The following SF3B1 variants were observed in gnomAD, a reference collection of about 807,000 sequenced individuals.
The protein encoded by SF3B1 is splicing factor 3b subunit 1, also known as pre-mRNA processing 10.
A neutral mutation model predicts 153.8 loss-of-function variants in SF3B1; 12 were observed. That is an observed-to-expected ratio of 0.08 (90% CI 0.05 to 0.13). The LOEUF (loss-of-function observed/expected upper bound fraction) is 0.13, where lower values mean the gene tolerates loss of function less well. SF3B1 is among the 10% of genes least tolerant of loss of function. SF3B1 has a pLI of 1.00. For synonymous variants in SF3B1, 498 were observed against 525.2 expected, an observed-to-expected ratio of 0.95 and a Z score of 0.71; for missense variants, 513 against 1,606.1, an observed-to-expected ratio of 0.32 and a Z score of 11.63.
chr2:197,423,102 C>G (rs2085274438), intron 2 of SF3B1, among the ~76,000 whole-genome samples: 2 of 151,574 alleles, frequency 1.3e-5, no homozygotes, highest in African/African-American at 4.8e-5. Flanking sequence ...AAGAAAAATT[C>G]CAGGCTGGGC....
At position 197,405,005 on chromosome 2, in the gene SF3B1, C is replaced by T. The variant is rs1055644441; in HGVS notation, c.1539+71G>A. On this transcript the variant is annotated intron_variant, in intron 11 of 24. Transcript: ENST00000335508. ...GCAACATGGCAAAACCCTGTCTCTACAAAAACTACAAATTTTTTTTAATTA... is the reference window on the plus strand; with the variant it reads ...GCAACATGGCAAAACCCTGTCTCTATAAAAACTACAAATTTTTTTTAATTA... 5 of 1,124,692 alleles carry T rather than the reference C, an allele frequency of 4.4e-6. No homozygotes were observed. The African/African-American group carries it at 7.9e-5, about 18-fold the overall frequency. The allele number at this position is 1,124,692 out of a possible 1,614,324, so 69.7% of individuals were successfully genotyped here.
intron 1 of SF3B1, among the ~76,000 whole-genome samples, chr2:197,425,779 C>G (rs2085325818): frequency 6.6e-6 from 1 of 151,388 alleles, no homozygotes. Context: ...GTGGGCGGAT[C>G]ACTTGAGCCC....
At position 197,402,456 on chromosome 2, in the gene SF3B1, G is replaced by A. The variant is rs2084945649; in HGVS notation, c.2077+100C>T. 1 of 1,025,174 alleles carries A rather than the reference G, an allele frequency of 9.8e-7. No homozygotes were observed. The allele number at this position is 1,025,174 out of a possible 1,614,324, so 63.5% of individuals were successfully genotyped here. A position where few individuals can be genotyped will look rare whatever the true frequency, so the allele number is the denominator to read the frequency against. ...AACTACTAAGGAGGCTGAGCAGGAG[G>A]ATCACTTGAGCCCAAAGGTTTGAGT... On this transcript the variant is annotated intron_variant, in intron 14 of 24. Transcript: ENST00000335508. The surrounding 1 kb of genome is among the most constrained non-coding windows in gnomAD (Gnocchi z 4.6).
chr2:197,397,978 C>A lies in SF3B1; in HGVS notation c.3266+7G>T, dbSNP rs1559264279. On this transcript the variant is annotated splice_region_variant and intron_variant, in intron 22 of 24. Coordinates refer to ENST00000335508, the MANE Select transcript of SF3B1 (RefSeq NM_012433.4). ...ATTTTTTTTTAATGGAAGTAAATAA[C>A]ACTCACCCAATGGCCTTTGCAATAT... is the stretch of plus-strand genomic sequence containing the variant. 1 of 1,601,770 alleles carries A rather than the reference C, an allele frequency of 6.2e-7. No individual in the cohort carries two copies. Among genetic ancestry groups the A allele is most frequent in the Admixed American group, 1.7e-5 (1 of 57,692 alleles).
In SF3B1 at chr2:197,410,501, A is replaced by ATTT. The variant is rs573287348; in HGVS notation, c.667-497_667-495dup. ...AAACATGCTTTAGATCACCTATGTA[A>ATTT]TTTTTTTTTTTTTTTTTTTTTTGAG... On this transcript the variant is annotated intron_variant, in intron 6 of 24. Transcript: ENST00000335508. Among the ~76,000 whole-genome samples, 516 of 107,818 alleles carry ATTT rather than the reference A, an allele frequency of 4.8e-3. 5 individuals are homozygous for ATTT. Among genetic ancestry groups the ATTT allele is most frequent in the Middle Eastern group, 6.6e-3 (1 of 152 alleles). 70.7% of individuals were successfully genotyped at this position (107,818 alleles called of 152,430 possible).
At position 197,402,300 on chromosome 2, in the gene SF3B1, T is replaced by C. The variant is rs2084943663; in HGVS notation, c.2078-170A>G. The C allele has an allele frequency of 3.9e-6, 3 of 769,260 alleles. No individual in the cohort carries two copies. The highest frequency in any genetic ancestry group is 6.1e-6 in the Non-Finnish European group (3 of 489,046). The allele number at this position is 769,260 out of a possible 1,614,324, so 47.7% of individuals were successfully genotyped here. On this transcript the variant is annotated intron_variant, in intron 14 of 24. Transcript: ENST00000335508. The surrounding 1 kb of genome is among the most constrained non-coding windows in gnomAD (Gnocchi z 4.6). Reference sequence around the variant, plus strand: ...AACCATAGCCTGTCAGCAGATAATATAACAAACCCATCATAAAATCTATAG... The same window carrying C: ...AACCATAGCCTGTCAGCAGATAATACAACAAACCCATCATAAAATCTATAG...
intron 22 of SF3B1, among the ~76,000 whole-genome samples, 186 bp downstream of exon 22, chr2:197,397,796 CAAA>C (rs1419961106): frequency 3.3e-5 from 3 of 90,500 alleles, no homozygotes; most frequent in Admixed American, 1.2e-4. Context: ...GACTCCGTCT[CAAA>C]AAAAAAAAAA....
rs1282989430 is a variant in SF3B1 at position 197,401,432 on chromosome 2, T to G, written c.2464A>C (p.Arg822=). 1 of 1,611,476 alleles carries G rather than the reference T, an allele frequency of 6.2e-7. No homozygotes were observed. Among genetic ancestry groups the G allele is most frequent in the East Asian group, 2.2e-5 (1 of 44,794 alleles). ...TAATTTCTTCTATCCAAAGCCATCC[T>G]GTGCTGCCAGAAGTGTTTAAAAAAG... is the stretch of plus-strand genomic sequence containing the variant. ...PPFFKHFWQH[R]MALDRRNYRQ... Residue 822 remains arginine (R), a synonymous_variant, in exon 17 of 25, where the codon AGG becomes CGG. Coordinates refer to ENST00000335508, the MANE Select transcript of SF3B1 (RefSeq NM_012433.4). The surrounding 1 kb of genome is among the most constrained non-coding windows in gnomAD (Gnocchi z 4.2).
In SF3B1 at chr2:197,401,938, G is replaced by A. The variant is rs369358283; in HGVS notation, c.2223+47C>T. The A allele has an allele frequency of 4.4e-5, 70 of 1,595,152 alleles. 1 individual carries two copies. Among genetic ancestry groups the A allele is most frequent in the Admixed American group, 3.1e-4 (17 of 54,530 alleles). On this transcript the variant is annotated intron_variant, in intron 15 of 24. Coordinates refer to ENST00000335508, the MANE Select transcript of SF3B1 (RefSeq NM_012433.4). This position sits in a 1 kb window ranked among gnomAD's most constrained non-coding sequence, Gnocchi z 4.2. ...TACTTTAGTAATTTAGATTTATGTC[G>A]CCTTAACTTTAATGAAGATAAATCA...
intron 2 of SF3B1, among the ~76,000 whole-genome samples, chr2:197,422,984 T>C (rs1419367086): frequency 2.0e-5 from 3 of 152,118 alleles, no homozygotes; most frequent in Non-Finnish European, 2.9e-5. Flanking sequence ...AAATATAAGC[T>C]ACCTGGAATA....
rs2084946736 is a variant in SF3B1, at chr2:197,402,531, A to AT, written c.2077+24_2077+25insA. Reference sequence around the variant, plus strand: ...CCTGTCTCCTAAAGAAAAAAAAAAAAAGACAAAGTTACATTACAACTTACC... The same window carrying AT: ...CCTGTCTCCTAAAGAAAAAAAAAAAATAGACAAAGTTACATTACAACTTACC... On this transcript the variant is annotated intron_variant, in intron 14 of 24. Coordinates refer to ENST00000335508, the MANE Select transcript of SF3B1 (RefSeq NM_012433.4). This position sits in a 1 kb window ranked among gnomAD's most constrained non-coding sequence, Gnocchi z 4.6. 2.5e-6 allele frequency: 4 copies of AT among 1,595,256 alleles called. No individual in the cohort carries two copies. The African/African-American group carries it at 4.1e-5, about 16-fold the overall frequency.
chr2:197,412,970 C>CA (rs779446735), intron 6 of SF3B1, among the ~76,000 whole-genome samples: 4,178 of 44,994 alleles, frequency 0.093, 269 homozygotes, highest in African/African-American at 0.14. Context: ...ACTGTTGTCT[C>CA]AAAAAAAAAA....
At chr2:197,429,095 T>C (rs754777959) in intron 1 of SF3B1, among the ~76,000 whole-genome samples, 97 of 152,298 alleles carry the variant, frequency 6.4e-4, no homozygotes, top group Middle Eastern at 3.4e-3. Flanking sequence ...AATAATCTCT[T>C]CCAACTTCAA....
chr2:197,410,745 C>T (rs2085056084), intron 6 of SF3B1, among the ~76,000 whole-genome samples: 2 of 152,038 alleles, frequency 1.3e-5, no homozygotes, highest in South Asian at 4.1e-4. Flanking sequence ...ACCTCGTGAT[C>T]CACCCACCTT....
intron 21 of SF3B1, 115 bp from the exon 22 acceptor site, chr2:197,398,231 T>G (rs2084898106): frequency 2.1e-6 from 2 of 953,128 alleles, no homozygotes; most frequent in Non-Finnish European, 3.2e-6. Flanking sequence ...TAAATAAAAC[T>G]TACTACTCTT....
chr2:197,396,395 G>T, intron 22 of SF3B1, 67 bp from the exon 23 acceptor site: 1 of 1,342,180 alleles, frequency 7.5e-7, no homozygotes, highest in Non-Finnish European at 1.0e-6. Context: ...AGAAAAAAAT[G>T]CATAAAGATG....
At chr2:197,411,603 CAG>C (rs1559270432) in intron 6 of SF3B1, among the ~76,000 whole-genome samples, 2 of 151,142 alleles carry the variant, frequency 1.3e-5, no homozygotes, top group East Asian at 3.9e-4. Context: ...ACCCGGGAGG[CAG>C]AGTTTGCAGT....
intron 6 of SF3B1, among the ~76,000 whole-genome samples, chr2:197,415,695 C>T (rs1225527801): frequency 1.3e-5 from 2 of 152,208 alleles, no homozygotes; most frequent in African/African-American, 4.8e-5. Flanking sequence ...TTATGCAGCA[C>T]TTATATCTTT....
intron 22 of SF3B1, 173 bp downstream of exon 22, chr2:197,397,812 G>C: frequency 2.6e-6 from 1 of 379,694 alleles, no homozygotes; most frequent in Non-Finnish European, 4.6e-6. Flanking sequence ...AAAAAAAAAA[G>C]AATTTAACAA....
Sources: gnomAD v4.1 joint callset for allele counts (sites outside exome capture counted in the v4.1 genomes callset) on GRCh38, gnomAD v4.1.1 for gene constraint, Gnocchi (gnomAD v3.1) non-coding constraint, MANE v1.5 for transcripts, NCBI Gene and HGNC (gene_info 2026-07-23, HGNC 2026-07-21) for gene names.